The following VWDE variants were observed in gnomAD, a reference collection of about 807,000 sequenced individuals.
VWDE encodes von Willebrand factor D and EGF domain-containing protein.
In VWDE, 207 loss-of-function variants were observed where a neutral mutation model predicts 178.4. The ratio of observed to expected loss-of-function variants is 1.16; its 90% CI spans 1.04 to 1.30. VWDE has a LOEUF of 1.30. Among genes scored for constraint, VWDE ranks in the 50% most tolerant of loss-of-function variants. VWDE has a pLI of 0.00. For synonymous variants in VWDE, 738 were observed against 651.4 expected (o/e 1.13, Z -2.02); for missense variants, 2,287 against 1,901.3 (o/e 1.20, Z -3.77).
At chr7:12,362,910 C>T (rs1282571398) in intron 13 of VWDE, among the ~76,000 whole-genome samples, 1 of 152,054 alleles carries the variant, frequency 6.6e-6, no homozygotes, top group Non-Finnish European at 1.5e-5. Flanking sequence ...GTCTCGGTTT[C>T]TTGTGCAGAA....
chr7:12,363,395 C>T (rs1302040717), intron 13 of VWDE, among the ~76,000 whole-genome samples: 1 of 151,990 alleles, frequency 6.6e-6, no homozygotes, highest in Non-Finnish European at 1.5e-5. Flanking sequence ...ATGTGCCATC[C>T]ATTTCTTGGT....
chr7:12,377,641 T>C (rs1783607181), intron 7 of VWDE, 135 bp downstream of exon 7: 4 of 475,222 alleles, frequency 8.4e-6, no homozygotes, highest in Admixed American at 4.4e-5. Flanking sequence ...ATTAGTAATA[T>C]GATTGGGCTA....
chr7:12,350,672 G>T (rs1781881193), intron 19 of VWDE, among the ~76,000 whole-genome samples: 1 of 148,128 alleles, frequency 6.8e-6, no homozygotes, highest in African/African-American at 2.4e-5. Context: ...GATTGCTCAG[G>T]CTCAACTCTC....
chr7:12,344,819 T>A (rs1000867254), intron 19 of VWDE, among the ~76,000 whole-genome samples: 1 of 152,122 alleles, frequency 6.6e-6, no homozygotes, highest in Non-Finnish European at 1.5e-5. Flanking sequence ...CTTGCTGTAA[T>A]CTCGAAAGAG....
intron 21 of VWDE, 107 bp downstream of exon 21, chr7:12,344,088 T>A (rs1288622518): frequency 2.6e-6 from 2 of 757,618 alleles, no homozygotes; most frequent in East Asian, 2.7e-5. Context: ...TTGATAAGAA[T>A]ATTTTAATAT....
intron 19 of VWDE, among the ~76,000 whole-genome samples, chr7:12,349,153 C>G (rs571726150): frequency 1.3e-5 from 2 of 151,780 alleles, no homozygotes; most frequent in Non-Finnish European, 2.9e-5. Context: ...GTGCAGCGCA[C>G]CAGCATGGCA....
intron 24 of VWDE, 130 bp from the exon 25 acceptor site, chr7:12,337,402 T>C (rs1781105347): frequency 2.5e-6 from 2 of 799,318 alleles, no homozygotes; most frequent in Admixed American, 2.1e-5. Flanking sequence ...AAAAGATCAC[T>C]CATTAAACCT....
At position 12,357,466 on chromosome 7, in the gene VWDE, A is replaced by T; in HGVS notation, c.3324T>A (p.Phe1108Leu). The T allele has an allele frequency of 6.4e-7, 1 of 1,552,134 alleles. No individual in the cohort carries two copies. Among genetic ancestry groups the T allele is most frequent in the Non-Finnish European group, 8.7e-7 (1 of 1,147,096 alleles). The change falls in exon 17 of 29, where the codon TTT (phenylalanine) becomes TTA (leucine). Residue 1108 changes from phenylalanine (F) to leucine (L), a missense_variant. Phe to Leu is a conservative substitution (Grantham distance 22). Transcript: ENST00000275358. Reference sequence around the variant, plus strand: ...ACTGATACTCAAAGTTTTCACCATAAAATGTCTGTAATTTGTCTTGCAATG... The same window carrying T: ...ACTGATACTCAAAGTTTTCACCATATAATGTCTGTAATTTGTCTTGCAATG... ...IQALQDKLQTFYGENFEYQFV... is the reference protein window; with the variant it reads ...IQALQDKLQTLYGENFEYQFV...
rs1318978668 is a variant in VWDE at position 12,336,137 on chromosome 7, T to C, written c.4654+4A>G. The C allele has an allele frequency of 6.5e-7, 1 of 1,549,486 alleles. No individual in the cohort carries two copies. Among genetic ancestry groups the C allele is most frequent in the Non-Finnish European group, 8.7e-7 (1 of 1,145,940 alleles). On this transcript the variant is annotated splice_donor_region_variant and intron_variant, in intron 27 of 28. Coordinates refer to ENST00000275358, the MANE Select transcript of VWDE (RefSeq NM_001135924.3). Reference sequence around the variant, plus strand: ...ATAGTAGGAAAAACATCCTGTGGGCTTACGTATTTGACACCGCACTCCTTC... The same window carrying C: ...ATAGTAGGAAAAACATCCTGTGGGCCTACGTATTTGACACCGCACTCCTTC...
chr7:12,403,416 G>A (rs17166013), intron 1 of VWDE, among the ~76,000 whole-genome samples: 26,467 of 152,196 alleles, frequency 0.17, 2,819 homozygotes, highest in Admixed American at 0.31. Flanking sequence ...ACCAAGGGTC[G>A]TAGAGTAAGA....
At chr7:12,347,617 T>C (rs1045538842) in intron 19 of VWDE, among the ~76,000 whole-genome samples, 2 of 151,228 alleles carry the variant, frequency 1.3e-5, no homozygotes, top group South Asian at 4.1e-4. Context: ...ATAAAATATA[T>C]GATATTTAAT....
At chr7:12,377,593 A>C (rs1783603257) in intron 7 of VWDE, 183 bp downstream of exon 7, 8 of 392,964 alleles carry the variant, frequency 2.0e-5, no homozygotes, top group Non-Finnish European at 3.6e-5. Context: ...AAGAAGAAGA[A>C]ATGTGAATTG....
chr7:12,397,173 T>A (rs961131252), intron 1 of VWDE, among the ~76,000 whole-genome samples: 7 of 152,088 alleles, frequency 4.6e-5, no homozygotes, highest in African/African-American at 1.7e-4. Context: ...TCATACTATA[T>A]TATAAGGCTA....
At chr7:12,382,250 C>G (rs940340387) in intron 4 of VWDE, among the ~76,000 whole-genome samples, 3 of 151,202 alleles carry the variant, frequency 2.0e-5, no homozygotes, top group Admixed American at 6.6e-5. Flanking sequence ...ATTATTTATT[C>G]AAGAGGAAAA....
chr7:12,384,065 C>A (rs531120267), intron 3 of VWDE, among the ~76,000 whole-genome samples: 33 of 152,228 alleles, frequency 2.2e-4, no homozygotes, highest in African/African-American at 7.5e-4. Context: ...AAGTTTATAG[C>A]AACTTTATTC....
At chr7:12,375,296 AT>A in intron 7 of VWDE, 69 bp from the exon 8 acceptor site, 1 of 1,103,246 alleles carries the variant, frequency 9.1e-7, no homozygotes, top group Non-Finnish European at 1.3e-6. Flanking sequence ...TAATAAATTA[AT>A]TAACATGAAA....
At chr7:12,343,497 G>C (rs1781438964) in intron 21 of VWDE, among the ~76,000 whole-genome samples, 1 of 152,056 alleles carries the variant, frequency 6.6e-6, no homozygotes, top group African/African-American at 2.4e-5. Flanking sequence ...TAGTTCCATA[G>C]TTATTTTCAT....
At chr7:12,355,103 A>G (rs1466725714) in intron 18 of VWDE, among the ~76,000 whole-genome samples, 2 of 152,200 alleles carry the variant, frequency 1.3e-5, no homozygotes, top group Non-Finnish European at 1.5e-5. Context: ...AGAGATCTAC[A>G]TTCATAGTTC....
rs1170167256 is a variant in VWDE at position 12,344,563 on chromosome 7, A to G, written c.3887-94T>C. 6.6e-6 allele frequency: 6 copies of G among 903,172 alleles called. No individual in the cohort carries two copies. In the South Asian group the frequency reaches 1.0e-4, roughly 16 times the overall value. The allele number at this position is 903,172 out of a possible 1,614,324, so 55.9% of individuals were successfully genotyped here. ...TTATGATAGAAGCAAAAGTCTCTGA[A>G]GTTTGAATAGTTAACTAATAGTCCC... On this transcript the variant is annotated intron_variant, in intron 19 of 28. Transcript: ENST00000275358.
Sources: gnomAD v4.1 joint callset for allele counts (sites outside exome capture counted in the v4.1 genomes callset) on GRCh38, gnomAD v4.1.1 for gene constraint, MANE v1.5 for transcripts, NCBI Gene and HGNC (gene_info 2026-07-23, HGNC 2026-07-21) for gene names.